The following SFXN5 variants were observed in gnomAD, a reference collection of about 807,000 sequenced individuals.
SFXN5 encodes sideroflexin 5, also known as sideroflexin-5.
SFXN5 carries 43 observed loss-of-function variants against 50.2 expected under a neutral mutation model. That is an observed-to-expected ratio of 0.86 (90% CI 0.67 to 1.11). The LOEUF is 1.11. Ranked by LOEUF, SFXN5 falls within the 50% of genes least tolerant of loss-of-function variation. The pLI is 0.00. For synonymous variants in SFXN5, 203 were observed against 185.8 expected, an observed-to-expected ratio of 1.09 and a Z score of -0.75; for missense variants, 463 against 454.1, an observed-to-expected ratio of 1.02 and a Z score of -0.18.
intron 3 of SFXN5, among the ~76,000 whole-genome samples, chr2:73,033,091 T>A (rs1678525833): frequency 6.6e-6 from 1 of 152,224 alleles, no homozygotes; most frequent in South Asian, 2.1e-4. Context: ...TTGCTGGCTA[T>A]GTGATTTAGG....
chr2:73,071,593 C>A lies in SFXN5; in HGVS notation c.102+11G>T. ...CACCCGCCGGCCCGCAGACCACAGC[C>A]CGGTCCTCACCTGCTGGAAGCGGGG... On this transcript the variant is annotated intron_variant, in intron 1 of 13. Transcript: ENST00000272433. 6.2e-7 allele frequency: 1 copy of A among 1,612,702 alleles called. No homozygotes were observed. The highest frequency in any genetic ancestry group is 8.5e-7 in the Non-Finnish European group (1 of 1,179,388).
chr2:73,017,155 A>G (rs1676266798), intron 6 of SFXN5, among the ~76,000 whole-genome samples: 1 of 151,814 alleles, frequency 6.6e-6, no homozygotes, highest in South Asian at 2.1e-4. Flanking sequence ...AGTATACTAC[A>G]TTTTATATAA....
intron 3 of SFXN5, among the ~76,000 whole-genome samples, chr2:73,032,717 C>T (rs1473818374): frequency 6.6e-6 from 1 of 152,154 alleles, no homozygotes; most frequent in Admixed American, 6.5e-5. Context: ...TCCAAACCTC[C>T]CAAGGCAGCA....
At chr2:72,970,967 C>T (rs1296513034) in intron 11 of SFXN5, among the ~76,000 whole-genome samples, 2 of 152,160 alleles carry the variant, frequency 1.3e-5, no homozygotes, top group East Asian at 1.9e-4. Flanking sequence ...GAATTACAGG[C>T]GTGAGCTACT....
intron 1 of SFXN5, among the ~76,000 whole-genome samples, chr2:73,064,188 C>A (rs944243057): frequency 4.6e-5 from 7 of 152,194 alleles, no homozygotes; most frequent in Admixed American, 1.3e-4. Context: ...GCTGACACCG[C>A]CCCGCAACTA....
chr2:73,037,932 C>T (rs773575163), intron 3 of SFXN5, among the ~76,000 whole-genome samples: 2 of 152,140 alleles, frequency 1.3e-5, no homozygotes, highest in Non-Finnish European at 2.9e-5. Flanking sequence ...ACCTGGAACT[C>T]GGAGGTAGGC....
intron 6 of SFXN5, 152 bp from the exon 7 acceptor site, chr2:73,001,730 G>A (rs749556649): frequency 8.2e-5 from 59 of 716,598 alleles, no homozygotes; most frequent in Non-Finnish European, 1.3e-4. Flanking sequence ...CATTGAGGGA[G>A]AGGCTGTGTG....
intron 3 of SFXN5, among the ~76,000 whole-genome samples, chr2:73,023,992 T>C (rs1158875554): frequency 6.6e-6 from 1 of 152,198 alleles, no homozygotes; most frequent in Non-Finnish European, 1.5e-5. Context: ...TATACTATCA[T>C]GTGCCGCATA....
intron 12 of SFXN5, among the ~76,000 whole-genome samples, chr2:72,966,139 T>C (rs1465444128): frequency 6.6e-6 from 1 of 152,194 alleles, no homozygotes; most frequent in Non-Finnish European, 1.5e-5. Context: ...CCATCCTCCC[T>C]GGGCAGCTTT....
At chr2:73,070,371 T>A (rs528684594) in intron 1 of SFXN5, 2 of 152,134 alleles carry the variant, frequency 1.3e-5, no homozygotes, top group South Asian at 4.2e-4. Flanking sequence ...GTTCCCTAAT[T>A]ATCAGCAAAG....
At chr2:73,066,267 T>C (rs1683170075) in intron 1 of SFXN5, among the ~76,000 whole-genome samples, 1 of 151,890 alleles carries the variant, frequency 6.6e-6, no homozygotes. Flanking sequence ...GATTAAAAGA[T>C]ACAAAAGAGG....
At chr2:73,009,041 C>T (rs897552973) in intron 6 of SFXN5, among the ~76,000 whole-genome samples, 3 of 152,208 alleles carry the variant, frequency 2.0e-5, no homozygotes, top group Non-Finnish European at 4.4e-5. Context: ...TTTCCAGAAG[C>T]TTCTCAGTTG....
At chr2:73,062,295 G>C (rs749586491) in intron 1 of SFXN5, among the ~76,000 whole-genome samples, 1 of 152,142 alleles carries the variant, frequency 6.6e-6, no homozygotes, top group Non-Finnish European at 1.5e-5. Context: ...CTGATGAGCA[G>C]CCAATGGCCT....
chr2:73,038,738 C>A (rs184171412), intron 3 of SFXN5, among the ~76,000 whole-genome samples: 60 of 152,274 alleles, frequency 3.9e-4, no homozygotes, highest in Admixed American at 2.1e-3. Context: ...GCTTGAAACA[C>A]AAACACATTG....
chr2:73,046,405 T>C (rs1416736465), intron 2 of SFXN5, among the ~76,000 whole-genome samples: 2 of 121,716 alleles, frequency 1.6e-5, no homozygotes, highest in African/African-American at 7.2e-5. Context: ...TGAGACTCCA[T>C]CTCAAAAAAA....
At chr2:72,982,507 T>G (rs763611679) in intron 10 of SFXN5, among the ~76,000 whole-genome samples, 19 of 152,200 alleles carry the variant, frequency 1.2e-4, no homozygotes, top group South Asian at 8.3e-4. Context: ...AAACCCACAT[T>G]GAGCACTGAC....
rs1671811904 is a variant in SFXN5 at position 72,945,281 on chromosome 2, C to T, written c.946-182G>A. On this transcript the variant is annotated intron_variant, in intron 13 of 13. Transcript: ENST00000272433. This position sits in a 1 kb window ranked among gnomAD's most constrained non-coding sequence, Gnocchi z 5.8. The stretch of plus-strand genomic sequence containing the variant: ...ATCTTCCTTCTCCACCGCCCTCCCG[C>T]CGCGGGGCTCACAGCATCCCTTCCA... Among the ~76,000 whole-genome samples, 1 of 152,140 alleles carries T rather than the reference C, an allele frequency of 6.6e-6. No individual in the cohort carries two copies. Among genetic ancestry groups the T allele is most frequent in the Non-Finnish European group, 1.5e-5 (1 of 68,004 alleles).
chr2:73,061,010 C>T (rs541965389), intron 1 of SFXN5, among the ~76,000 whole-genome samples: 2 of 149,176 alleles, frequency 1.3e-5, no homozygotes, highest in South Asian at 4.7e-4. Flanking sequence ...CAAGAATGTC[C>T]TTGTTCTTAA....
At chr2:72,993,679 TC>T (rs2105623461) in intron 9 of SFXN5, among the ~76,000 whole-genome samples, 1 of 152,074 alleles carries the variant, frequency 6.6e-6, no homozygotes, top group African/African-American at 2.4e-5. Context: ...AGATGGACCC[TC>T]CAAACCCAAA....
Sources: gnomAD v4.1 joint callset for allele counts (sites outside exome capture counted in the v4.1 genomes callset) on GRCh38, gnomAD v4.1.1 for gene constraint, Gnocchi (gnomAD v3.1) non-coding constraint, MANE v1.5 for transcripts, NCBI Gene and HGNC (gene_info 2026-07-23, HGNC 2026-07-21) for gene names.